The following DPP10 variants were observed in gnomAD, a reference collection of about 807,000 sequenced individuals.
DPP10 encodes inactive dipeptidyl peptidase 10.
A neutral mutation model predicts 120.9 loss-of-function variants in DPP10; 33 were observed. The ratio of observed to expected loss-of-function variants is 0.27; its 90% confidence interval spans 0.21 to 0.37. The LOEUF is 0.37. Ranked by LOEUF, DPP10 falls within the 10% of genes least tolerant of loss-of-function variation. The pLI, the probability that DPP10 is intolerant of heterozygous loss-of-function variation, is 1.00. For missense variants in DPP10, 816 were observed against 942.8 expected (o/e 0.87, Z 1.76); for synonymous variants, 337 against 326.1 (o/e 1.03, Z -0.36).
At chr2:115,073,311 T>A (rs1707523778) in intron 1 of DPP10, among the ~76,000 whole-genome samples, 4 of 152,230 alleles carry the variant, frequency 2.6e-5, no homozygotes, top group Admixed American at 2.0e-4. Flanking sequence ...AAAACCTGAA[T>A]TCCACCTTGA....
rs1044116745 is a variant in DPP10, at chr2:114,709,067, T to C, written c.60+266229T>C. 3.9e-5 allele frequency among the ~76,000 whole-genome samples: 6 copies of C among 152,196 alleles called. No individual in the cohort carries two copies. In the South Asian group the frequency reaches 1.2e-3, roughly 31 times the overall value. ...CACAGCGCCCAGCCCCATTGCTTAC[T>C]CTTTCACTGCTCTACCTCTTATCAC... On this transcript the variant is annotated intron_variant, in intron 1 of 25. Transcript: ENST00000410059.
At position 114,862,951 on chromosome 2, in the gene DPP10, C is replaced by A. The variant is rs867681623; in HGVS notation, c.60+420113C>A. 4.7e-5 allele frequency among the ~76,000 whole-genome samples: 7 copies of A among 148,000 alleles called. 2 individuals carry two copies. In the Middle Eastern group the frequency reaches 0.021, roughly 453 times the overall value. Reference sequence around the variant, plus strand: ...TATTTTATGGATTTATTGTGTGGTTCTCTCAGCTATTCAATAATCATGAAT... The same window carrying A: ...TATTTTATGGATTTATTGTGTGGTTATCTCAGCTATTCAATAATCATGAAT... On this transcript the variant is annotated intron_variant, in intron 1 of 25. Coordinates refer to ENST00000410059, the MANE Select transcript of DPP10 (RefSeq NM_020868.6).
chr2:115,030,390 T>C (rs186614402), intron 1 of DPP10, among the ~76,000 whole-genome samples: 1 of 152,332 alleles, frequency 6.6e-6, no homozygotes, highest in Non-Finnish European at 1.5e-5. Context: ...AATCTTAAAC[T>C]ACATTTTGTC....
chr2:115,760,700 A>T (rs552642709), intron 11 of DPP10, among the ~76,000 whole-genome samples: 4 of 152,282 alleles, frequency 2.6e-5, no homozygotes, highest in South Asian at 4.1e-4. Context: ...TAGAAAATTC[A>T]TCTCTTTCTT....
intron 1 of DPP10, among the ~76,000 whole-genome samples, chr2:115,195,408 T>C (rs762561040): frequency 1.1e-4 from 16 of 152,164 alleles, no homozygotes; most frequent in Non-Finnish European, 2.1e-4. Flanking sequence ...GCAATTTTGC[T>C]CATTTGTTTT....
chr2:115,011,881 G>C (rs1702290451), intron 1 of DPP10, among the ~76,000 whole-genome samples: 1 of 151,830 alleles, frequency 6.6e-6, no homozygotes, highest in African/African-American at 2.4e-5. Context: ...TCCTGGTCTG[G>C]GGCCAATTCT....
rs947577680 is a variant in DPP10 at position 114,911,195 on chromosome 2, A to AT, written c.61-398036dup. ...TTGTTTGATTCTTTTATGTTCTCTT[A>AT]TTTTTTTTCACTTCAATTTGTCTTT... On this transcript the variant is annotated intron_variant, in intron 1 of 25. Coordinates refer to ENST00000410059, the MANE Select transcript of DPP10 (RefSeq NM_020868.6). Among the ~76,000 whole-genome samples, 9 of 151,660 alleles carry AT rather than the reference A, an allele frequency of 5.9e-5. No individual in the cohort carries two copies. The East Asian group carries it at 7.8e-4, about 13-fold the overall frequency.
chr2:115,493,584 G>A (rs1055873473), intron 3 of DPP10, among the ~76,000 whole-genome samples: 1 of 150,924 alleles, frequency 6.6e-6, no homozygotes, highest in Non-Finnish European at 1.5e-5. Flanking sequence ...TGAGAGGAAA[G>A]AGCATATAGA....
chr2:115,204,383 G>A (rs1270639837), intron 1 of DPP10, among the ~76,000 whole-genome samples: 1 of 152,112 alleles, frequency 6.6e-6, no homozygotes, highest in Non-Finnish European at 1.5e-5. Flanking sequence ...TAAGCCTCTA[G>A]CCTCTTGCTA....
intron 1 of DPP10, among the ~76,000 whole-genome samples, chr2:115,182,959 CA>C (rs2054176727): frequency 6.6e-6 from 1 of 152,148 alleles, no homozygotes; most frequent in South Asian, 2.1e-4. Context: ...ACACCCACCC[CA>C]TGGACAACAG....
chr2:115,047,983 CA>C (rs1454403535), intron 1 of DPP10, among the ~76,000 whole-genome samples: 15 of 152,168 alleles, frequency 9.9e-5, no homozygotes, highest in Admixed American at 8.5e-4. Flanking sequence ...TTTCTGTGTT[CA>C]TAACTTAGTC....
intron 1 of DPP10, among the ~76,000 whole-genome samples, chr2:115,160,090 T>C (rs1370206706): frequency 2.0e-5 from 3 of 152,248 alleles, no homozygotes; most frequent in Non-Finnish European, 4.4e-5. Flanking sequence ...GGAATATCTA[T>C]ATTGTCATAA....
intron 1 of DPP10, among the ~76,000 whole-genome samples, chr2:114,638,509 CA>C (rs1695468251): frequency 1.3e-5 from 2 of 151,756 alleles, no homozygotes; most frequent in Non-Finnish European, 2.9e-5. Context: ...AAGTGGCCAA[CA>C]AAAGTGAAGC....
At chr2:114,467,910 T>C (rs1679551259) in intron 1 of DPP10, among the ~76,000 whole-genome samples, 1 of 152,050 alleles carries the variant, frequency 6.6e-6, no homozygotes. Flanking sequence ...TCCCAGCTAC[T>C]TGAGACGCTG....
chr2:115,332,317 A>T (rs1574456485), intron 2 of DPP10, among the ~76,000 whole-genome samples: 1 of 151,516 alleles, frequency 6.6e-6, no homozygotes, highest in African/African-American at 2.4e-5. Context: ...TTCTCTCTTT[A>T]CTTCTTTATT....
intron 5 of DPP10, among the ~76,000 whole-genome samples, chr2:115,668,717 G>T (rs4599118): frequency 0.17 from 25,288 of 152,016 alleles, 3,099 homozygotes; most frequent in African/African-American, 0.35. Flanking sequence ...GATCTCCCAT[G>T]TGCACTTCTG....
chr2:114,922,118 T>C (rs896541894), intron 1 of DPP10, among the ~76,000 whole-genome samples: 1 of 152,244 alleles, frequency 6.6e-6, no homozygotes, highest in Non-Finnish European at 1.5e-5. Context: ...GTTAGCCCTT[T>C]TAATTTTCAG....
chr2:115,520,482 G>A (rs2077740344), intron 4 of DPP10, among the ~76,000 whole-genome samples: 1 of 149,180 alleles, frequency 6.7e-6, no homozygotes, highest in Admixed American at 6.8e-5. Flanking sequence ...TATACTTTCA[G>A]AATTATTCAG....
intron 17 of DPP10, 70 bp downstream of exon 17, chr2:115,782,469 C>A: frequency 2.2e-6 from 3 of 1,393,628 alleles, no homozygotes; most frequent in South Asian, 1.2e-5. Flanking sequence ...GTTATCTATT[C>A]TGAGTCATAT....
Sources: allele counts gnomAD v4.1 joint callset (sites outside exome capture counted in the v4.1 genomes callset), GRCh38; gene constraint gnomAD v4.1.1; transcripts MANE v1.5; gene names NCBI Gene and HGNC (gene_info 2026-07-23, HGNC 2026-07-21).